Variants in CCDC88C observed in about 807,000 individuals in gnomAD.
CCDC88C encodes the protein coiled-coil and HOOK domain protein 88C.
Under a neutral mutation model 198.8 loss-of-function variants are expected in CCDC88C, and 131 were observed. The observed-to-expected ratio is 0.66, with a 90% confidence interval of 0.57 to 0.76. The LOEUF is 0.76. Ranked by LOEUF, CCDC88C falls within the 30% of genes least tolerant of loss-of-function variation. CCDC88C has a pLI of 0.00. For synonymous variants in CCDC88C, 1,166 were observed against 1,114.7 expected, an observed-to-expected ratio of 1.05 and a Z score of -0.92; for missense variants, 2,553 against 2,631.6, an observed-to-expected ratio of 0.97 and a Z score of 0.65.
chr14:91,408,635 T>C, intron 3 of CCDC88C, 24 bp downstream of exon 3: 1 of 1,425,580 alleles, frequency 7.0e-7, no homozygotes, highest in African/African-American at 1.4e-5. Context: ...ACATCAGAAT[T>C]CCCGACAGCA....
chr14:91,278,889 C>CTTTTT lies in CCDC88C; in HGVS notation c.4768+344_4768+348dup, dbSNP rs10671669. ...CCCCAGAGCCAAACCACCAAATACA[C>CTTTTT]TTTTTTTTTTTTTTTTTTTTTTTTT... On this transcript the variant is annotated intron_variant, in intron 28 of 29. Coordinates refer to ENST00000389857, the MANE Select transcript of CCDC88C (RefSeq NM_001080414.4). Among the ~76,000 whole-genome samples the CTTTTT allele has an allele frequency of 2.8e-3, 152 of 54,500 alleles. 43 individuals are homozygous for CTTTTT. The highest frequency in any genetic ancestry group is 3.1e-3 in the African/African-American group (40 of 13,070). The allele number at this position is 54,500 out of a possible 152,430, so 35.8% of individuals were successfully genotyped here.
At position 91,320,318 on chromosome 14, in the gene CCDC88C, A is replaced by G. The variant is rs73336499; in HGVS notation, c.1527+802T>C. Among the ~76,000 whole-genome samples the G allele has an allele frequency of 9.6e-3, 1,468 of 152,338 alleles. 27 individuals carry two copies. Among genetic ancestry groups the G allele is most frequent in the African/African-American group, 0.034 (1,407 of 41,580 alleles). On this transcript the variant is annotated intron_variant, in intron 13 of 29. Transcript: ENST00000389857. ...GCAAATGATGTAATCAATCATGCCTATATAATGAAACCTCCATAAAAACCC... is the reference window on the plus strand; with the variant it reads ...GCAAATGATGTAATCAATCATGCCTGTATAATGAAACCTCCATAAAAACCC...
chr14:91,280,295 G>A (rs985981551), intron 27 of CCDC88C, among the ~76,000 whole-genome samples: 1 of 152,170 alleles, frequency 6.6e-6, no homozygotes, highest in African/African-American at 2.4e-5. Flanking sequence ...GTTCACTCAG[G>A]TTTCCTGGGT....
intron 10 of CCDC88C, among the ~76,000 whole-genome samples, chr14:91,335,471 C>T (rs1288643341): frequency 2.0e-5 from 3 of 152,056 alleles, no homozygotes; most frequent in African/African-American, 2.4e-5. Flanking sequence ...CTCTGCCTGG[C>T]TCTCCCTGCT....
At chr14:91,364,508 A>G (rs1264262205) in intron 3 of CCDC88C, among the ~76,000 whole-genome samples, 1 of 152,024 alleles carries the variant, frequency 6.6e-6, no homozygotes. Context: ...GTTGGGGGAG[A>G]GCAAGGCTGA....
intron 3 of CCDC88C, among the ~76,000 whole-genome samples, chr14:91,373,874 TCTCTGTC>T (rs1894951641): frequency 6.6e-6 from 1 of 151,626 alleles, no homozygotes; most frequent in Non-Finnish European, 1.5e-5. Context: ...GACAAAATCC[TCTCTGTC>T]CAGCCACACT....
intron 3 of CCDC88C, among the ~76,000 whole-genome samples, chr14:91,366,160 A>G (rs1442057093): frequency 1.2e-5 from 1 of 81,210 alleles, no homozygotes; most frequent in Non-Finnish European, 2.3e-5. Flanking sequence ...AAATACACAC[A>G]CACACACACA....
Position 91,291,092 on chromosome 14 carries a change from T to A in CCDC88C, c.4113-8A>T. ...AAGGCATTTAATTTGTCTCTGTGAA[T>A]ATAGGAGAAAGAAAACCTATCAATC... On this transcript the variant is annotated splice_region_variant and splice_polypyrimidine_tract_variant and intron_variant, in intron 23 of 29. Transcript: ENST00000389857. The A allele has an allele frequency of 6.8e-7, 1 of 1,463,136 alleles. No homozygotes were observed. 90.6% of individuals were successfully genotyped at this position (1,463,136 alleles called of 1,614,324 possible). A position where few individuals can be genotyped will look rare whatever the true frequency, so the allele number is the denominator to read the frequency against.
chr14:91,360,336 T>A (rs1894254053), intron 3 of CCDC88C, among the ~76,000 whole-genome samples: 1 of 151,728 alleles, frequency 6.6e-6, no homozygotes, highest in African/African-American at 2.4e-5. Flanking sequence ...GGATCCCTGC[T>A]ACTTGGGAGG....
At chr14:91,369,352 G>A (rs991617007) in intron 3 of CCDC88C, among the ~76,000 whole-genome samples, 2 of 152,050 alleles carry the variant, frequency 1.3e-5, no homozygotes, top group African/African-American at 4.8e-5. Context: ...GATTACAGGC[G>A]CCTGCCGTCA....
chr14:91,367,028 A>G (rs1489547137), intron 3 of CCDC88C, among the ~76,000 whole-genome samples: 1 of 152,232 alleles, frequency 6.6e-6, no homozygotes, highest in African/African-American at 2.4e-5. Context: ...GTATCCACTG[A>G]AAACACTAGG....
chr14:91,292,551 G>A (rs898728250), intron 23 of CCDC88C, among the ~76,000 whole-genome samples: 1 of 152,134 alleles, frequency 6.6e-6, no homozygotes, highest in Non-Finnish European at 1.5e-5. Context: ...AGACACGTAG[G>A]TGAAGCCGAC....
intron 3 of CCDC88C, among the ~76,000 whole-genome samples, chr14:91,366,972 T>C (rs1205466091): frequency 6.6e-6 from 1 of 152,228 alleles, no homozygotes; most frequent in Non-Finnish European, 1.5e-5. Context: ...CTGGGAAAGA[T>C]GCAGGTGGAA....
rs567591051 is a variant in CCDC88C, at chr14:91,331,057, G to A, written c.1051-5001C>T. ...GGGCTGAGGAGTGCTTGCCGGATAT[G>A]TCCATGTCAGGAGCGCCCCTTTACT... On this transcript the variant is annotated intron_variant, in intron 10 of 29. Coordinates refer to ENST00000389857, the MANE Select transcript of CCDC88C (RefSeq NM_001080414.4). 2.0e-5 allele frequency among the ~76,000 whole-genome samples: 3 copies of A among 149,300 alleles called. No individual in the cohort carries two copies. In the South Asian group the frequency reaches 6.5e-4, roughly 32 times the overall value.
chr14:91,318,214 GT>G (rs906244077), intron 13 of CCDC88C, among the ~76,000 whole-genome samples: 7 of 151,990 alleles, frequency 4.6e-5, no homozygotes, highest in African/African-American at 1.7e-4. Flanking sequence ...GAGCCCAGGG[GT>G]TTGAGACCAG....
At chr14:91,402,469 T>C (rs1200712827) in intron 3 of CCDC88C, among the ~76,000 whole-genome samples, 1 of 152,212 alleles carries the variant, frequency 6.6e-6, no homozygotes, top group Non-Finnish European at 1.5e-5. Context: ...GTGCTGCCGT[T>C]TATGGAAGTC....
chr14:91,415,903 C>T (rs1439212711), intron 2 of CCDC88C, among the ~76,000 whole-genome samples: 1 of 152,090 alleles, frequency 6.6e-6, no homozygotes, highest in East Asian at 1.9e-4. Context: ...CTTGCTCAGT[C>T]GTAGGTGAAT....
intron 10 of CCDC88C, among the ~76,000 whole-genome samples, chr14:91,333,416 T>C (rs1047931122): frequency 6.6e-6 from 1 of 152,222 alleles, no homozygotes; most frequent in African/African-American, 2.4e-5. Context: ...TCCTAACAGA[T>C]TGAGTTGGTG....
chr14:91,289,466 G>A, intron 24 of CCDC88C, 123 bp from the exon 25 acceptor site: 1 of 835,230 alleles, frequency 1.2e-6, no homozygotes, highest in Non-Finnish European at 2.1e-6. Flanking sequence ...ACTCACGTGG[G>A]GTTCAGGACA....
Sources: allele counts gnomAD v4.1 joint callset (sites outside exome capture counted in the v4.1 genomes callset), GRCh38; gene constraint gnomAD v4.1.1; transcripts MANE v1.5; gene names NCBI Gene and HGNC (gene_info 2026-07-23, HGNC 2026-07-21).